BMPER: variants seen among roughly 807,000 people sequenced by gnomAD.
The protein encoded by BMPER is BMP-binding endothelial regulator protein.
In BMPER, 45 loss-of-function variants were observed where a neutral mutation model predicts 87.3. The ratio of observed to expected loss-of-function variants is 0.52; its 90% confidence interval spans 0.41 to 0.66. The LOEUF (loss-of-function observed/expected upper bound fraction) is 0.66. BMPER is among the 30% of genes least tolerant of loss of function. The pLI is 0.00. For synonymous variants in BMPER, 326 were observed against 316.2 expected, an observed-to-expected ratio of 1.03 and a Z score of -0.33; for missense variants, 784 against 867.5, an observed-to-expected ratio of 0.90 and a Z score of 1.21.
At chr7:33,929,256 A>C (rs1784429116) in intron 2 of BMPER, among the ~76,000 whole-genome samples, 1 of 152,190 alleles carries the variant, frequency 6.6e-6, no homozygotes, top group Admixed American at 6.5e-5. Flanking sequence ...TGTTCTTGCA[A>C]GACATTTTAA....
chr7:34,082,647 C>G (rs1446622223), intron 12 of BMPER, among the ~76,000 whole-genome samples: 1 of 152,120 alleles, frequency 6.6e-6, no homozygotes, highest in African/African-American at 2.4e-5. Flanking sequence ...CACGGCAGAT[C>G]TGCATCTTTC....
chr7:33,973,912 C>T (rs568914365), intron 5 of BMPER, among the ~76,000 whole-genome samples: 5 of 152,142 alleles, frequency 3.3e-5, no homozygotes, highest in Non-Finnish European at 4.4e-5. Flanking sequence ...TGGAATCTGG[C>T]AGTGTCCTGG....
intron 6 of BMPER, among the ~76,000 whole-genome samples, chr7:34,031,978 CTT>C (rs1473162728): frequency 1.4e-3 from 142 of 104,784 alleles, no homozygotes; most frequent in African/African-American, 5.0e-3. Flanking sequence ...ATAAATATAT[CTT>C]ATATATAAAT....
At chr7:33,941,400 C>T (rs1380834907) in intron 3 of BMPER, among the ~76,000 whole-genome samples, 8 of 151,214 alleles carry the variant, frequency 5.3e-5, no homozygotes, top group South Asian at 2.1e-4. Flanking sequence ...GGACAGGGGT[C>T]GGGGGATGGT....
Position 34,001,563 on chromosome 7 carries a change from CTT to C in BMPER, c.576+26792_576+26793del, listed in dbSNP as rs34700644. Among the ~76,000 whole-genome samples the C allele has an allele frequency of 9.3e-3, 1,293 of 138,604 alleles. 22 individuals carry two copies. Among genetic ancestry groups the C allele is most frequent in the South Asian group, 0.033 (142 of 4,360 alleles). 90.9% of individuals were successfully genotyped at this position (138,604 alleles called of 152,430 possible). ...GATTTTAGTAATTTGAATCTGCTTT[CTT>C]TTTTTTTTTTTTCTGTTCAGTCTAG... is the stretch of plus-strand genomic sequence containing the variant. On this transcript the variant is annotated intron_variant, in intron 6 of 14. Coordinates refer to ENST00000649409, the MANE Select transcript of BMPER (RefSeq NM_001365308.1).
rs1411546907 is a variant in BMPER at position 34,108,798 on chromosome 7, G to A, written c.1745+22706G>A. ...TGGGAAAACCCCTAACAGTCCCCAT[G>A]GATTTTTGAATGTTCCTAAACATTA... On this transcript the variant is annotated intron_variant, in intron 13 of 14. Transcript: ENST00000649409. 2.6e-5 allele frequency among the ~76,000 whole-genome samples: 4 copies of A among 152,138 alleles called. No individual in the cohort carries two copies. The East Asian group carries it at 5.8e-4, about 22-fold the overall frequency.
At chr7:34,006,437 ACT>A (rs1786736157) in intron 6 of BMPER, among the ~76,000 whole-genome samples, 1 of 151,998 alleles carries the variant, frequency 6.6e-6, no homozygotes, top group African/African-American at 2.4e-5. Flanking sequence ...ACCTTCCTAA[ACT>A]CTATCATTTG....
chr7:34,071,424 C>G (rs73690121), intron 11 of BMPER, among the ~76,000 whole-genome samples: 1,726 of 152,202 alleles, frequency 0.011, 35 homozygotes, highest in African/African-American at 0.039. Flanking sequence ...ATTTTATAAG[C>G]CTTAAGTGGC....
intron 6 of BMPER, among the ~76,000 whole-genome samples, chr7:34,022,044 G>T (rs1233577064): frequency 2.6e-5 from 4 of 151,980 alleles, no homozygotes; most frequent in African/African-American, 7.2e-5. Context: ...TAATTGTTCT[G>T]CTCCATGGAG....
chr7:34,014,251 G>A (rs984515640), intron 6 of BMPER, among the ~76,000 whole-genome samples: 4 of 151,930 alleles, frequency 2.6e-5, no homozygotes, highest in Non-Finnish European at 5.9e-5. Context: ...AAGGCAAGTA[G>A]AGGAGATCAA....
intron 11 of BMPER, among the ~76,000 whole-genome samples, chr7:34,065,110 G>A (rs1788541208): frequency 6.6e-6 from 1 of 151,798 alleles, no homozygotes; most frequent in Non-Finnish European, 1.5e-5. Context: ...AAAGTCTAGT[G>A]TTTTCTAAAG....
chr7:34,131,940 A>G (rs1003037873), intron 13 of BMPER, among the ~76,000 whole-genome samples: 10 of 152,164 alleles, frequency 6.6e-5, no homozygotes, highest in Admixed American at 4.6e-4. Context: ...ATTTCTGTGC[A>G]TGGATGAATT....
At chr7:34,056,402 TA>T (rs891739780) in intron 9 of BMPER, among the ~76,000 whole-genome samples, 26 of 151,648 alleles carry the variant, frequency 1.7e-4, no homozygotes, top group Non-Finnish European at 1.2e-4. Flanking sequence ...AAAAATAAAA[TA>T]AAAAAAATTA....
intron 3 of BMPER, among the ~76,000 whole-genome samples, chr7:33,947,327 A>G (rs1379890800): frequency 6.6e-6 from 1 of 152,210 alleles, no homozygotes; most frequent in Non-Finnish European, 1.5e-5. Context: ...TCAGACATTT[A>G]TAGGTCAAGT....
chr7:34,151,042 G>A (rs1162160006), intron 14 of BMPER, among the ~76,000 whole-genome samples: 1 of 152,060 alleles, frequency 6.6e-6, no homozygotes, highest in East Asian at 1.9e-4. Flanking sequence ...TGGAAGATGG[G>A]GTGAATGGTG....
At chr7:34,036,487 G>T (rs1585761696) in intron 6 of BMPER, among the ~76,000 whole-genome samples, 1 of 152,184 alleles carries the variant, frequency 6.6e-6, no homozygotes, top group Non-Finnish European at 1.5e-5. Flanking sequence ...TTATCAGCAG[G>T]CCCCGCCTCT....
intron 13 of BMPER, among the ~76,000 whole-genome samples, chr7:34,102,689 C>G (rs1250869032): frequency 6.6e-6 from 1 of 152,182 alleles, no homozygotes. Context: ...ACCACAGCTC[C>G]TGCCAATATG....
chr7:33,983,986 A>G (rs573329546), intron 6 of BMPER, among the ~76,000 whole-genome samples: 3 of 152,334 alleles, frequency 2.0e-5, no homozygotes, highest in South Asian at 2.1e-4. Context: ...CATTGAGCCT[A>G]AGCATTTGTC....
chr7:34,119,014 T>TCTCTCTCACACACACACACA (rs66493349), intron 13 of BMPER, among the ~76,000 whole-genome samples: 1 of 135,712 alleles, frequency 7.4e-6, no homozygotes, highest in African/African-American at 2.6e-5. Flanking sequence ...TCTCTCTCTC[T>TCTCTCTCACACACACACACA]CACACACACA....
Sources: allele counts gnomAD v4.1 joint callset (sites outside exome capture counted in the v4.1 genomes callset), GRCh38; gene constraint gnomAD v4.1.1; transcripts MANE v1.5; gene names NCBI Gene and HGNC (gene_info 2026-07-23, HGNC 2026-07-21).